The following KSR1 variants were observed in gnomAD, a reference collection of about 807,000 sequenced individuals.
The protein encoded by KSR1 is kinase suppressor of ras 1.
In KSR1, 35 loss-of-function variants were observed where a neutral mutation model predicts 92.9. The observed-to-expected ratio is 0.38, with a 90% CI of 0.29 to 0.50. The LOEUF (loss-of-function observed/expected upper bound fraction) is 0.50. Among genes scored for constraint, KSR1 ranks in the 20% least tolerant of loss-of-function variants. The probability of loss-of-function intolerance (pLI) is 0.94; values close to 1 mark genes in which losing one functional copy is unlikely to be tolerated. For synonymous variants in KSR1, 467 were observed against 472.6 expected, an observed-to-expected ratio of 0.99 and a Z score of 0.15; for missense variants, 972 against 1,158.5, an observed-to-expected ratio of 0.84 and a Z score of 2.34.
At chr17:27,460,186 A>G (rs892743455) in intron 1 of KSR1, among the ~76,000 whole-genome samples, 5 of 152,210 alleles carry the variant, frequency 3.3e-5, no homozygotes, top group South Asian at 2.1e-4. Flanking sequence ...CAGTGTACTC[A>G]CAGAGGGACA....
rs2069513869 is a variant in KSR1, at chr17:27,509,398, C to T, written c.232-41170C>T. ...CTCTGCCTCCCGGGTTCACGCCATT[C>T]TCCTGCCTCAGCCTCCCGGGTAGCT... On this transcript the variant is annotated intron_variant, in intron 1 of 20. Coordinates refer to ENST00000644974, the MANE Select transcript of KSR1 (RefSeq NM_001394583.1). Among the ~76,000 whole-genome samples, 3 of 152,052 alleles carry T rather than the reference C, an allele frequency of 2.0e-5. No individual in the cohort carries two copies. The South Asian group carries it at 6.2e-4, about 32-fold the overall frequency.
chr17:27,592,313 A>G (rs2151194561), intron 7 of KSR1, 48 bp from the exon 8 acceptor site: 2 of 1,505,398 alleles, frequency 1.3e-6, no homozygotes, highest in Non-Finnish European at 1.8e-6. Context: ...TGTGTGCCTG[A>G]GCCCCCCCAT....
intron 2 of KSR1, chr17:27,560,364 G>T (rs1183155912): frequency 7.7e-6 from 4 of 516,534 alleles, no homozygotes; most frequent in African/African-American, 7.7e-5. Flanking sequence ...GGTGGGTGCT[G>T]CAGAGTCTGG....
intron 2 of KSR1, among the ~76,000 whole-genome samples, chr17:27,575,986 C>A (rs1026998633): frequency 3.9e-5 from 6 of 152,196 alleles, no homozygotes. Context: ...ACTTCACGTT[C>A]ATTCAGGTTA....
chr17:27,530,839 G>A (rs1019537270), intron 1 of KSR1, among the ~76,000 whole-genome samples: 2 of 152,188 alleles, frequency 1.3e-5, no homozygotes, highest in East Asian at 1.9e-4. Context: ...TTTTGCTTAC[G>A]TAGTTCTTGC....
chr17:27,618,163 G>A (rs1166356662), intron 19 of KSR1, among the ~76,000 whole-genome samples: 2 of 152,090 alleles, frequency 1.3e-5, no homozygotes, highest in Non-Finnish European at 2.9e-5. Flanking sequence ...AACACAAGAA[G>A]CCAGCCACCT....
chr17:27,617,348 C>A lies in KSR1; in HGVS notation c.2547C>A (p.Ser849Arg). 1.2e-6 allele frequency: 2 copies of A among 1,612,622 alleles called. No individual in the cohort carries two copies. The highest frequency in any genetic ancestry group is 1.7e-6 in the Non-Finnish European group (2 of 1,179,242). The change falls in exon 19 of 21, where the codon AGC becomes AGA. Residue 849 changes from serine (S) to arginine (R), a missense_variant. Ser to Arg is a moderately radical substitution (Grantham distance 110). Around this residue, in one of 5 missense-constraint regions of KSR1, gnomAD observed 260 missense variants for 375.2 expected, o/e 0.69. Transcript: ENST00000644974. ...AFDLQERPSF[S>R]LLMDMLEKLP... is the part of the protein sequence containing the mutation. Reference sequence around the variant, plus strand: ...ACCTGCAGGAGAGACCCAGCTTCAGCCTGCTGATGGACATGCTGGAGAAAC... The same window carrying A: ...ACCTGCAGGAGAGACCCAGCTTCAGACTGCTGATGGACATGCTGGAGAAAC...
intron 6 of KSR1, among the ~76,000 whole-genome samples, chr17:27,589,435 A>G (rs1379997209): frequency 6.6e-6 from 1 of 151,984 alleles, no homozygotes; most frequent in African/African-American, 2.4e-5. Flanking sequence ...ACCCTGTTAC[A>G]CAGCATCCCA....
At chr17:27,533,963 A>ATGTGTGTGTG (rs1378520294) in intron 1 of KSR1, among the ~76,000 whole-genome samples, 3 of 100,366 alleles carry the variant, frequency 3.0e-5, no homozygotes, top group African/African-American at 4.5e-5. Flanking sequence ...GCGTGTGCGC[A>ATGTGTGTGTG]CGTGTGTGTG....
chr17:27,568,541 A>G (rs966089848), intron 2 of KSR1, among the ~76,000 whole-genome samples: 8 of 152,140 alleles, frequency 5.3e-5, no homozygotes, highest in African/African-American at 1.7e-4. Context: ...CTCTTTTTCA[A>G]TGGTGTGTCC....
chr17:27,626,378 C>T lies in KSR1; in HGVS notation c.*2986C>T, dbSNP rs1423446990. 4 of 152,232 alleles carry T rather than the reference C, an allele frequency of 2.6e-5. No homozygotes were observed. Among genetic ancestry groups the T allele is most frequent in the Non-Finnish European group, 5.9e-5 (4 of 68,046 alleles). 9.4% of individuals were successfully genotyped at this position (152,232 alleles called of 1,614,324 possible). ...TTTTTGCCACTGGCAAGAACATGCC[C>T]TCTGTGCTAAGCCAGGCCTGGGTGT... On this transcript the variant is annotated 3_prime_UTR_variant, in exon 21 of 21. Transcript: ENST00000644974.
rs146685136 is a variant in KSR1 at position 27,604,846 on chromosome 17, A to G, written c.1614+118A>G. 104 of 981,462 alleles carry G rather than the reference A, an allele frequency of 1.1e-4. 3 individuals are homozygous for G. The highest frequency in any genetic ancestry group is 9.4e-4 in the South Asian group (72 of 76,524). 60.8% of individuals were successfully genotyped at this position (981,462 alleles called of 1,614,324 possible). A position where few individuals can be genotyped will look rare whatever the true frequency, so the allele number is the denominator to read the frequency against. ...TCTGGACTTTGGCAAGGGCTGTCCC[A>G]GGCACCCATTGCAGAGGTGCATGTC... On this transcript the variant is annotated intron_variant, in intron 13 of 20. Transcript: ENST00000644974.
At chr17:27,483,819 C>T (rs1170301372) in intron 1 of KSR1, 1 of 152,266 alleles carries the variant, frequency 6.6e-6, no homozygotes, top group African/African-American at 2.4e-5. Flanking sequence ...CCCGTGAAGT[C>T]ACCTTCTGCT....
rs189782552 is a variant in KSR1 at position 27,577,729 on chromosome 17, C to T, written c.520+90C>T. ...ATGGTGGGTGATGGAGCGGGGCAAGCGTGGCCCAGGGTTTCTGGGGCAGCC... is the reference window on the plus strand; with the variant it reads ...ATGGTGGGTGATGGAGCGGGGCAAGTGTGGCCCAGGGTTTCTGGGGCAGCC... On this transcript the variant is annotated intron_variant, in intron 3 of 20. Transcript: ENST00000644974. The surrounding 1 kb of genome is among the most constrained non-coding windows in gnomAD (Gnocchi z 4.5). 3,128 of 1,147,380 alleles carry T rather than the reference C, an allele frequency of 2.7e-3. 4 individuals are homozygous for T. The highest frequency in any genetic ancestry group is 4.9e-3 in the Admixed American group (248 of 50,232). 71.1% of individuals were successfully genotyped at this position (1,147,380 alleles called of 1,614,324 possible).
intron 9 of KSR1, among the ~76,000 whole-genome samples, chr17:27,593,911 G>A (rs1352816421): frequency 2.0e-5 from 3 of 152,306 alleles, no homozygotes; most frequent in East Asian, 3.9e-4. Flanking sequence ...CTCCCATGGT[G>A]GAGGGGCCCA....
rs370341101 is a variant in KSR1, at chr17:27,610,166, A to T, written c.2325A>T (p.Pro775=). 5 of 1,614,024 alleles carry T rather than the reference A, an allele frequency of 3.1e-6. No individual in the cohort carries two copies. Among genetic ancestry groups the T allele is most frequent in the Non-Finnish European group, 4.2e-6 (5 of 1,179,870 alleles). ...MTPGKDEDQL[P]FSKAADVYAF... is the part of the protein sequence containing the mutation. ...CCGGGAAGGACGAGGATCAGCTGCC[A>T]TTCTCCAAAGCTGCTGATGTCTATG... Residue 775 remains proline (P), a synonymous_variant, in exon 17 of 21, where the codon CCA becomes CCT. Transcript: ENST00000644974.
chr17:27,508,039 C>T (rs950162144), intron 1 of KSR1, among the ~76,000 whole-genome samples: 5 of 152,190 alleles, frequency 3.3e-5, no homozygotes, highest in African/African-American at 1.2e-4. Flanking sequence ...TAATCTCCCA[C>T]GTGCCCCCAG....
rs547645269 is a variant in KSR1 at position 27,548,735 on chromosome 17, C to T, written c.232-1833C>T. ...CTTCCAACTACTTGGGAAGCTGAGG[C>T]ACAAGAATCACTTAAACCCAGGAGG... On this transcript the variant is annotated intron_variant, in intron 1 of 20. Coordinates refer to ENST00000644974, the MANE Select transcript of KSR1 (RefSeq NM_001394583.1). 5.1e-4 allele frequency among the ~76,000 whole-genome samples: 78 copies of T among 151,796 alleles called. 1 individual carries two copies. Among genetic ancestry groups the T allele is most frequent in the Admixed American group, 7.9e-4 (12 of 15,240 alleles).
chr17:27,586,202 C>A (rs562214853), intron 5 of KSR1, among the ~76,000 whole-genome samples: 34 of 152,284 alleles, frequency 2.2e-4, no homozygotes, highest in African/African-American at 7.5e-4. Context: ...ACCTGGGCAA[C>A]CCTTGACCCC....
Sources: gnomAD v4.1 joint callset for allele counts (sites outside exome capture counted in the v4.1 genomes callset) on GRCh38, gnomAD v4.1.1 for gene constraint, gnomAD v4.1.1 regional missense constraint, Gnocchi (gnomAD v3.1) non-coding constraint, MANE v1.5 for transcripts, NCBI Gene and HGNC (gene_info 2026-07-23, HGNC 2026-07-21) for gene names.